COG5: variants seen among roughly 807,000 people sequenced by gnomAD.
COG5 encodes the protein conserved oligomeric Golgi complex subunit 5.
A neutral mutation model predicts 110.4 loss-of-function variants in COG5; 86 were observed. That is an observed-to-expected ratio of 0.78 (90% CI 0.65 to 0.93). COG5 has a LOEUF of 0.93. Among genes scored for constraint, COG5 ranks in the 40% least tolerant of loss-of-function variants. The pLI is 0.00. For missense variants in COG5, 1,077 were observed against 987.0 expected (o/e 1.09, Z -1.22); for synonymous variants, 360 against 334.6 (o/e 1.08, Z -0.83).
At chr7:107,357,328 C>T (rs536552920) in intron 10 of COG5, among the ~76,000 whole-genome samples, 2 of 152,066 alleles carry the variant, frequency 1.3e-5, no homozygotes, top group African/African-American at 2.4e-5. Context: ...GAGAGGGAAA[C>T]GTCATTTTGG....
intron 6 of COG5, among the ~76,000 whole-genome samples, chr7:107,524,336 A>G (rs1171335125): frequency 1.3e-5 from 2 of 152,218 alleles, no homozygotes; most frequent in Non-Finnish European, 2.9e-5. Context: ...ACAACAATGT[A>G]TTTCATCTGG....
At chr7:107,377,196 C>T (rs1235344389) in intron 7 of COG5, among the ~76,000 whole-genome samples, 1 of 151,882 alleles carries the variant, frequency 6.6e-6, no homozygotes, top group East Asian at 1.9e-4. Flanking sequence ...AGCTGATTGG[C>T]CTTGGAGTTT....
chr7:107,304,211 C>T (rs557853117), intron 11 of COG5, among the ~76,000 whole-genome samples: 7 of 152,198 alleles, frequency 4.6e-5, no homozygotes, highest in Admixed American at 3.3e-4. Context: ...CAGACCCATC[C>T]GAAACCTTGA....
chr7:107,209,228 T>C, intron 21 of COG5: 1 of 985,396 alleles, frequency 1.0e-6, no homozygotes, highest in East Asian at 1.1e-4. Context: ...CTTCAAGAGC[T>C]ATTTTAGAGA....
At chr7:107,511,389 T>A (rs1428247680) in intron 6 of COG5, among the ~76,000 whole-genome samples, 1 of 152,106 alleles carries the variant, frequency 6.6e-6, no homozygotes, top group Non-Finnish European at 1.5e-5. Context: ...ACTCTGAAAT[T>A]GTGGCAATAA....
intron 6 of COG5, among the ~76,000 whole-genome samples, chr7:107,429,620 G>A (rs1793875885): frequency 6.6e-6 from 1 of 152,110 alleles, no homozygotes; most frequent in South Asian, 2.1e-4. Context: ...TGGTTTGGCT[G>A]TGTCCCTACC....
intron 8 of COG5, among the ~76,000 whole-genome samples, chr7:107,370,802 T>TTATA (rs769651624): frequency 0.027 from 3,841 of 143,340 alleles, 185 homozygotes; most frequent in African/African-American, 0.091. Flanking sequence ...AAAAAAAAAT[T>TTATA]TATATATATA....
At chr7:107,269,343 C>A (rs1042036599) in intron 14 of COG5, among the ~76,000 whole-genome samples, 1 of 151,912 alleles carries the variant, frequency 6.6e-6, no homozygotes, top group Admixed American at 6.6e-5. Context: ...GGTGTGGTGG[C>A]GGACGCCTGT....
Position 107,201,756 on chromosome 7 carries a change from G to GTTTTA in COG5, c.*1755_*1759dup. On this transcript the variant is annotated 3_prime_UTR_variant, in exon 22 of 22. Coordinates refer to ENST00000297135, the MANE Select transcript of COG5 (RefSeq NM_006348.5). ...AGAAAGAGAGGAGAAGTGTATACATGTTTTATTTTAAATTGTACGAAAGGG... is the reference window on the plus strand; with the variant it reads ...AGAAAGAGAGGAGAAGTGTATACATGTTTTATTTTATTTTAAATTGTACGAAAGGG... 1 of 246,904 alleles carries GTTTTA rather than the reference G, an allele frequency of 4.1e-6. No homozygotes were observed. The allele number at this position is 246,904 out of a possible 1,614,324, so 15.3% of individuals were successfully genotyped here. A position where few individuals can be genotyped will look rare whatever the true frequency, so the allele number is the denominator to read the frequency against.
At chr7:107,394,467 A>C (rs954233037) in intron 7 of COG5, among the ~76,000 whole-genome samples, 20 of 152,332 alleles carry the variant, frequency 1.3e-4, no homozygotes, top group Admixed American at 6.5e-4. Context: ...AAAATTCCAC[A>C]AAAATAGAAA....
intron 5 of COG5, among the ~76,000 whole-genome samples, chr7:107,537,363 G>C (rs1801657307): frequency 1.3e-5 from 2 of 152,254 alleles, no homozygotes; most frequent in African/African-American, 4.8e-5. Flanking sequence ...CGTTAGACTG[G>C]ATAAAGAAAA....
intron 7 of COG5, among the ~76,000 whole-genome samples, chr7:107,382,127 C>T (rs1019883307): frequency 1.3e-5 from 2 of 152,130 alleles, no homozygotes; most frequent in African/African-American, 4.8e-5. Flanking sequence ...GGAAACTGGC[C>T]TCAAACCCTC....
chr7:107,434,478 C>T (rs898069126), intron 6 of COG5, among the ~76,000 whole-genome samples: 1 of 152,130 alleles, frequency 6.6e-6, no homozygotes, highest in South Asian at 2.1e-4. Flanking sequence ...ACACTGGGTA[C>T]AGTGTGTACA....
At chr7:107,284,445 C>T (rs1277615361) in intron 12 of COG5, among the ~76,000 whole-genome samples, 2 of 152,180 alleles carry the variant, frequency 1.3e-5, no homozygotes, top group African/African-American at 4.8e-5. Flanking sequence ...TAGCTTGGCC[C>T]TTTCCATCCA....
chr7:107,419,924 T>C (rs1793160112), intron 6 of COG5, among the ~76,000 whole-genome samples: 1 of 152,232 alleles, frequency 6.6e-6, no homozygotes. Flanking sequence ...AACACGTTCA[T>C]GTAACAGAAT....
chr7:107,308,329 G>A (rs531106343), intron 11 of COG5, among the ~76,000 whole-genome samples: 1 of 152,194 alleles, frequency 6.6e-6, no homozygotes, highest in Admixed American at 6.5e-5. Context: ...TACAGCCCAG[G>A]CTTTGGGATT....
intron 6 of COG5, among the ~76,000 whole-genome samples, chr7:107,485,404 G>T (rs1426440363): frequency 6.6e-6 from 1 of 152,112 alleles, no homozygotes; most frequent in Admixed American, 6.6e-5. Context: ...CTACACAAAT[G>T]TTTTATCACC....
At chr7:107,488,408 C>G (rs1797778820) in intron 6 of COG5, among the ~76,000 whole-genome samples, 2 of 152,062 alleles carry the variant, frequency 1.3e-5, no homozygotes, top group Non-Finnish European at 2.9e-5. Context: ...CTAAGACATC[C>G]AGGTCTTGTT....
intron 6 of COG5, among the ~76,000 whole-genome samples, chr7:107,476,775 A>C (rs533773607): frequency 6.6e-6 from 1 of 151,724 alleles, no homozygotes; most frequent in Non-Finnish European, 1.5e-5. Flanking sequence ...CACTAAACCA[A>C]GTAGCAATTC....
Sources: allele counts gnomAD v4.1 joint callset (sites outside exome capture counted in the v4.1 genomes callset), GRCh38; gene constraint gnomAD v4.1.1; transcripts MANE v1.5; gene names NCBI Gene and HGNC (gene_info 2026-07-23, HGNC 2026-07-21).